FAM174B: variants seen among roughly 807,000 people sequenced by gnomAD.
The protein encoded by FAM174B is membrane protein FAM174B.
A neutral mutation model predicts 10.9 loss-of-function variants in FAM174B; 12 were observed. That is an observed-to-expected ratio of 1.10 (90% CI 0.71 to 1.79). FAM174B has a LOEUF of 1.79. Among genes scored for constraint, FAM174B ranks in the 40% most tolerant of loss-of-function variants. The probability of loss-of-function intolerance (pLI) is 0.00; values close to 1 mark genes in which losing one functional copy is unlikely to be tolerated. For missense variants in FAM174B, 266 were observed against 233.3 expected (o/e 1.14, Z -0.91); for synonymous variants, 132 against 115.8 (o/e 1.14, Z -0.90).
intron 1 of FAM174B, among the ~76,000 whole-genome samples, chr15:92,643,001 A>G (rs285767): frequency 0.94 from 143,588 of 152,290 alleles, 68,065 homozygotes; most frequent in East Asian, 0.99. Context: ...AAGAAAATTC[A>G]GAGACACATA....
In FAM174B at chr15:92,637,896, T is replaced by C. The variant is rs1406588172; in HGVS notation, c.345-7551A>G. 3.3e-5 allele frequency among the ~76,000 whole-genome samples: 5 copies of C among 152,282 alleles called. No homozygotes were observed. In the East Asian group the frequency reaches 9.7e-4, roughly 29 times the overall value. ...CGCAGCTCAAGGACAAAGCACCTGG[T>C]TCTAGAAAGAGCCCAGGTTTGCAAT... On this transcript the variant is annotated intron_variant, in intron 1 of 2. Coordinates refer to ENST00000327355, the MANE Select transcript of FAM174B (RefSeq NM_207446.3).
At chr15:92,642,072 C>T (rs2050895399) in intron 1 of FAM174B, among the ~76,000 whole-genome samples, 1 of 152,198 alleles carries the variant, frequency 6.6e-6, no homozygotes, top group Non-Finnish European at 1.5e-5. Context: ...ACAAGGTCAA[C>T]ATGACTAGCC....
chr15:92,625,206 C>T (rs992659288), intron 2 of FAM174B, among the ~76,000 whole-genome samples: 1 of 151,978 alleles, frequency 6.6e-6, no homozygotes, highest in African/African-American at 2.4e-5. Flanking sequence ...TCCTACCCTG[C>T]CTGTATTCTT....
At chr15:92,619,545 A>ACCCT in intron 2 of FAM174B, 86 bp from the exon 3 acceptor site, 5 of 1,474,526 alleles carry the variant, frequency 3.4e-6, no homozygotes, top group Non-Finnish European at 4.6e-6. Flanking sequence ...TCTATCCCTC[A>ACCCT]CCCTCTCAGC....
At chr15:92,628,423 G>A (rs2141951716) in intron 2 of FAM174B, among the ~76,000 whole-genome samples, 2 of 139,400 alleles carry the variant, frequency 1.4e-5, no homozygotes, top group African/African-American at 5.4e-5. Context: ...CAAGAGATCT[G>A]CACTCCTCGG....
chr15:92,623,017 G>A (rs539089759), intron 2 of FAM174B, among the ~76,000 whole-genome samples: 8 of 152,230 alleles, frequency 5.3e-5, no homozygotes, highest in South Asian at 2.1e-4. Flanking sequence ...TTAGCTGGGC[G>A]TGGTGGCAGG....
intron 1 of FAM174B, among the ~76,000 whole-genome samples, chr15:92,651,065 G>A (rs186059003): frequency 2.0e-5 from 3 of 152,358 alleles, no homozygotes; most frequent in African/African-American, 7.2e-5. Context: ...AGAGACAGAG[G>A]CTCAACTATG....
In FAM174B at chr15:92,636,572, G is replaced by A. The variant is rs573387124; in HGVS notation, c.345-6227C>T. 2.1e-4 allele frequency among the ~76,000 whole-genome samples: 32 copies of A among 152,308 alleles called. No individual in the cohort carries two copies. In the South Asian group the frequency reaches 6.2e-3, roughly 30 times the overall value. Reference sequence around the variant, plus strand: ...ACTTTCAGTGGGGCCTCCTTCCCACGTGGGTGAGTGAAAGTGCCGCACAAC... The same window carrying A: ...ACTTTCAGTGGGGCCTCCTTCCCACATGGGTGAGTGAAAGTGCCGCACAAC... On this transcript the variant is annotated intron_variant, in intron 1 of 2. Coordinates refer to ENST00000327355, the MANE Select transcript of FAM174B (RefSeq NM_207446.3).
chr15:92,637,169 G>A (rs1235758703), intron 1 of FAM174B, among the ~76,000 whole-genome samples: 2 of 152,234 alleles, frequency 1.3e-5, no homozygotes, highest in African/African-American at 4.8e-5. Context: ...TGGCAGAGGA[G>A]CAGGGCAGTG....
chr15:92,627,101 G>A (rs72756106), intron 2 of FAM174B: 11,682 of 151,548 alleles, frequency 0.077, 709 homozygotes, highest in African/African-American at 0.17. Flanking sequence ...GAAGGGCCCC[G>A]CACTATCGCT....
chr15:92,636,469 G>A (rs2050856883), intron 1 of FAM174B, among the ~76,000 whole-genome samples: 2 of 152,254 alleles, frequency 1.3e-5, no homozygotes, highest in South Asian at 2.1e-4. Flanking sequence ...GAGGCTCAGG[G>A]AAGCCGACTT....
At chr15:92,650,585 C>CG (rs2050959792) in intron 1 of FAM174B, among the ~76,000 whole-genome samples, 1 of 152,172 alleles carries the variant, frequency 6.6e-6, no homozygotes, top group Admixed American at 6.5e-5. Flanking sequence ...GACTTGCCCC[C>CG]GCTCTGCTCA....
intron 2 of FAM174B, among the ~76,000 whole-genome samples, chr15:92,621,257 C>T (rs533521160): frequency 1.2e-4 from 18 of 152,146 alleles, no homozygotes; most frequent in African/African-American, 4.1e-4. Flanking sequence ...TAGGGTGTTC[C>T]CTACGCTATT....
intron 2 of FAM174B, among the ~76,000 whole-genome samples, chr15:92,624,031 T>C (rs1348122735): frequency 2.6e-5 from 4 of 152,186 alleles, no homozygotes; most frequent in Admixed American, 6.5e-5. Flanking sequence ...CTCATAGACA[T>C]AGACACAAGA....
At chr15:92,649,625 T>C (rs757974926) in intron 1 of FAM174B, among the ~76,000 whole-genome samples, 20 of 152,198 alleles carry the variant, frequency 1.3e-4, no homozygotes, top group Non-Finnish European at 2.4e-4. Flanking sequence ...TGATGAGAAA[T>C]GGTGCCCAGA....
intron 1 of FAM174B, among the ~76,000 whole-genome samples, chr15:92,649,972 A>C (rs1448572792): frequency 6.6e-6 from 1 of 152,230 alleles, no homozygotes; most frequent in Non-Finnish European, 1.5e-5. Flanking sequence ...CGACCGACTG[A>C]TGCTAACAAG....
intron 1 of FAM174B, among the ~76,000 whole-genome samples, chr15:92,643,344 A>ATGTGTATGTGTG (rs1555421988): frequency 8.7e-5 from 12 of 138,086 alleles, no homozygotes; most frequent in Non-Finnish European, 1.3e-4. Context: ...TAGGGAAGGA[A>ATGTGTATGTGTG]TGTGTGTGTG....
At chr15:92,653,841 G>A (rs2050982995) in intron 1 of FAM174B, among the ~76,000 whole-genome samples, 1 of 152,254 alleles carries the variant, frequency 6.6e-6, no homozygotes, top group South Asian at 2.1e-4. Flanking sequence ...AGAAGCGCTG[G>A]TTGATGTCTG....
chr15:92,646,099 C>T (rs539393508), intron 1 of FAM174B, among the ~76,000 whole-genome samples: 1 of 151,994 alleles, frequency 6.6e-6, no homozygotes, highest in Non-Finnish European at 1.5e-5. Context: ...GCCTCCAGTC[C>T]TCCCAAGTGG....
Sources: allele counts gnomAD v4.1 joint callset (sites outside exome capture counted in the v4.1 genomes callset), GRCh38; gene constraint gnomAD v4.1.1; transcripts MANE v1.5; gene names NCBI Gene and HGNC (gene_info 2026-07-23, HGNC 2026-07-21).